GUCY1A2: variants seen among roughly 807,000 people sequenced by gnomAD.
GUCY1A2 encodes guanylate cyclase 1 soluble subunit alpha 2.
A neutral mutation model predicts 63.5 loss-of-function variants in GUCY1A2; 27 were observed. The observed-to-expected ratio is 0.43, with a 90% CI of 0.31 to 0.59. The LOEUF (loss-of-function observed/expected upper bound fraction) is 0.59, where lower values mean the gene tolerates loss of function less well. Ranked by LOEUF, GUCY1A2 falls within the 20% of genes least tolerant of loss-of-function variation. The pLI is 0.11. For missense variants in GUCY1A2, 768 were observed against 913.3 expected (o/e 0.84, Z 2.05); for synonymous variants, 364 against 343.5 (o/e 1.06, Z -0.66).
intron 4 of GUCY1A2, chr11:106,827,861 T>G: frequency 6.3e-7 from 1 of 1,598,198 alleles, no homozygotes; most frequent in Non-Finnish European, 8.6e-7. Flanking sequence ...TGAACTTCCC[T>G]GCAGTCATGG....
intron 4 of GUCY1A2, among the ~76,000 whole-genome samples, chr11:106,919,510 C>A (rs544922713): frequency 8.6e-5 from 13 of 151,856 alleles, no homozygotes; most frequent in African/African-American, 3.1e-4. Flanking sequence ...TAATTTTATT[C>A]ATCAATTATA....
intron 6 of GUCY1A2, among the ~76,000 whole-genome samples, chr11:106,765,874 T>G (rs1476261563): frequency 6.6e-6 from 1 of 152,144 alleles, no homozygotes; most frequent in African/African-American, 2.4e-5. Context: ...GTTTAACCTC[T>G]GAACAAACAC....
intron 5 of GUCY1A2, among the ~76,000 whole-genome samples, chr11:106,793,687 A>G (rs1238577753): frequency 6.6e-6 from 1 of 152,118 alleles, no homozygotes; most frequent in Non-Finnish European, 1.5e-5. Flanking sequence ...TTAAAAATGA[A>G]CAAAGGACCT....
chr11:106,778,260 A>G (rs943685832), intron 5 of GUCY1A2, among the ~76,000 whole-genome samples: 11 of 152,154 alleles, frequency 7.2e-5, no homozygotes, highest in Admixed American at 5.2e-4. Context: ...GATGTGCTCC[A>G]TGTTCCTTCC....
intron 6 of GUCY1A2, among the ~76,000 whole-genome samples, chr11:106,715,796 G>A (rs1863203525): frequency 6.6e-6 from 1 of 152,148 alleles, no homozygotes; most frequent in Admixed American, 6.5e-5. Context: ...CACAGACTCT[G>A]TTCTAAGTGC....
rs537107044 is a variant in GUCY1A2 at position 106,868,752 on chromosome 11, A to C, written c.1207-58274T>G. On this transcript the variant is annotated intron_variant, in intron 4 of 7. Coordinates refer to ENST00000526355, the MANE Select transcript of GUCY1A2 (RefSeq NM_000855.3). Reference sequence around the variant, plus strand: ...GACTTGCTTCACAGAATTGGAAAAAACTACTTTAAAGTTCATATGGAACCA... The same window carrying C: ...GACTTGCTTCACAGAATTGGAAAAACCTACTTTAAAGTTCATATGGAACCA... Among the ~76,000 whole-genome samples, 405 of 152,342 alleles carry C rather than the reference A, an allele frequency of 2.7e-3. 2 individuals carry two copies. Among genetic ancestry groups the C allele is most frequent in the Non-Finnish European group, 4.3e-3 (293 of 68,036 alleles).
At chr11:106,946,332 A>C (rs1020864598) in intron 3 of GUCY1A2, among the ~76,000 whole-genome samples, 8 of 152,182 alleles carry the variant, frequency 5.3e-5, no homozygotes, top group African/African-American at 1.9e-4. Context: ...TGTATATGTC[A>C]ACATGATCAA....
intron 4 of GUCY1A2, among the ~76,000 whole-genome samples, chr11:106,833,763 T>G (rs1298381665): frequency 6.6e-6 from 1 of 152,058 alleles, no homozygotes. Context: ...ACAAAATATC[T>G]TTTAATGTCT....
intron 4 of GUCY1A2, among the ~76,000 whole-genome samples, chr11:106,910,157 C>A (rs543218598): frequency 1.3e-5 from 2 of 152,014 alleles, no homozygotes; most frequent in African/African-American, 2.4e-5. Context: ...TACAGTATAT[C>A]CTTATGACAA....
chr11:106,793,135 C>A (rs114977759), intron 5 of GUCY1A2, among the ~76,000 whole-genome samples: 1 of 152,004 alleles, frequency 6.6e-6, no homozygotes, highest in African/African-American at 2.4e-5. Flanking sequence ...ACTACAGAAT[C>A]GTAATGAAAA....
At chr11:106,794,149 T>A (rs539568079) in intron 5 of GUCY1A2, among the ~76,000 whole-genome samples, 1 of 151,454 alleles carries the variant, frequency 6.6e-6, no homozygotes, top group South Asian at 2.1e-4. Flanking sequence ...CACAGATGTA[T>A]GTAAAGAAAT....
chr11:107,005,566 T>C (rs1233883902), intron 1 of GUCY1A2, among the ~76,000 whole-genome samples: 1 of 152,190 alleles, frequency 6.6e-6, no homozygotes, highest in Non-Finnish European at 1.5e-5. Context: ...GATTTTACAT[T>C]TTTAAATACA....
At chr11:106,861,648 G>C (rs1217367749) in intron 4 of GUCY1A2, among the ~76,000 whole-genome samples, 1 of 151,892 alleles carries the variant, frequency 6.6e-6, no homozygotes, top group Non-Finnish European at 1.5e-5. Flanking sequence ...GTGTATAAAA[G>C]AATAGCATTT....
chr11:106,879,031 A>G (rs1859789346), intron 4 of GUCY1A2, among the ~76,000 whole-genome samples: 1 of 152,100 alleles, frequency 6.6e-6, no homozygotes, highest in South Asian at 2.1e-4. Flanking sequence ...AATGTTCAAC[A>G]CTATTTTCTC....
intron 3 of GUCY1A2, among the ~76,000 whole-genome samples, chr11:106,963,958 T>A (rs1314730981): frequency 6.6e-6 from 1 of 152,170 alleles, no homozygotes; most frequent in East Asian, 1.9e-4. Context: ...ATTCTCATAT[T>A]CATCTCGTTT....
At chr11:106,769,660 G>C (rs910456642) in intron 6 of GUCY1A2, among the ~76,000 whole-genome samples, 2 of 151,962 alleles carry the variant, frequency 1.3e-5, no homozygotes, top group African/African-American at 4.8e-5. Flanking sequence ...ACATTATACG[G>C]TATTTTTCCA....
intron 4 of GUCY1A2, among the ~76,000 whole-genome samples, chr11:106,841,047 G>A (rs1239098952): frequency 1.3e-5 from 2 of 151,814 alleles, no homozygotes; most frequent in East Asian, 3.9e-4. Flanking sequence ...GTAGGATAAA[G>A]GACAATACCA....
At chr11:106,740,648 CTGTATGTATGTA>C (rs6144494) in intron 6 of GUCY1A2, among the ~76,000 whole-genome samples, 32 of 148,860 alleles carry the variant, frequency 2.1e-4, no homozygotes, top group South Asian at 6.5e-4. Context: ...GACCATATCA[CTGTATGTATGTA>C]TGTATGTATG....
At chr11:106,729,298 C>T (rs1420378019) in intron 6 of GUCY1A2, among the ~76,000 whole-genome samples, 7 of 152,028 alleles carry the variant, frequency 4.6e-5, no homozygotes, top group African/African-American at 9.7e-5. Flanking sequence ...ATACTCTGAG[C>T]GTTATCACTT....
Sources: gnomAD v4.1 joint callset for allele counts (sites outside exome capture counted in the v4.1 genomes callset) on GRCh38, gnomAD v4.1.1 for gene constraint, MANE v1.5 for transcripts, NCBI Gene and HGNC (gene_info 2026-07-23, HGNC 2026-07-21) for gene names.